Variants in AGBL3 observed in about 807,000 individuals in gnomAD.
AGBL3 encodes the protein cytosolic carboxypeptidase 3.
In AGBL3, 68 loss-of-function variants were observed where a neutral mutation model predicts 94.5. That is an observed-to-expected ratio of 0.72 (90% CI 0.59 to 0.88). The LOEUF is 0.88. Ranked by LOEUF, AGBL3 falls within the 40% of genes least tolerant of loss-of-function variation. AGBL3 has a pLI of 0.00. For missense variants in AGBL3, 934 were observed against 1,103.8 expected (o/e 0.85, Z 2.18); for synonymous variants, 354 against 370.7 (o/e 0.95, Z 0.52).
At chr7:135,010,331 G>C (rs528219401) in intron 4 of AGBL3, 4 of 238,562 alleles carry the variant, frequency 1.7e-5, no homozygotes, top group Non-Finnish European at 2.5e-5. Context: ...TTAACATTCT[G>C]TATCTCTTAG....
intron 13 of AGBL3, 145 bp downstream of exon 13, chr7:135,076,613 C>A: frequency 1.6e-6 from 1 of 615,648 alleles, no homozygotes; most frequent in Non-Finnish European, 2.9e-6. Context: ...TTTATAAAAA[C>A]ACAAAAGATC....
In AGBL3 at chr7:135,071,443, C is replaced by T. The variant is rs530991574; in HGVS notation, c.1909-4954C>T. On this transcript the variant is annotated intron_variant, in intron 12 of 16. Transcript: ENST00000436302. ...GTTCATATGGAACCAAAAAAGAGCCCGCATTGCCAAGTCAATCCTAAGCCA... is the reference window on the plus strand; with the variant it reads ...GTTCATATGGAACCAAAAAAGAGCCTGCATTGCCAAGTCAATCCTAAGCCA... Among the ~76,000 whole-genome samples, 1,058 of 152,146 alleles carry T rather than the reference C, an allele frequency of 7.0e-3. 22 individuals carry two copies. Among genetic ancestry groups the T allele is most frequent in the African/African-American group, 0.025 (1,019 of 41,504 alleles).
intron 8 of AGBL3, among the ~76,000 whole-genome samples, chr7:135,039,213 G>A (rs1247761757): frequency 1.3e-5 from 2 of 152,116 alleles, no homozygotes; most frequent in Non-Finnish European, 2.9e-5. Context: ...ACACAAGTAT[G>A]TTTTTAAGCA....
intron 5 of AGBL3, among the ~76,000 whole-genome samples, chr7:135,024,872 C>A (rs1024621599): frequency 3.3e-5 from 5 of 151,696 alleles, no homozygotes; most frequent in Admixed American, 6.6e-5. Context: ...CAGACTAGAC[C>A]AAGCTGAAGA....
chr7:135,045,435 AC>A (rs747336226), intron 9 of AGBL3, 38 bp from the exon 10 acceptor site: 193 of 1,482,952 alleles, frequency 1.3e-4, no homozygotes, highest in Non-Finnish European at 1.7e-4. Context: ...AAAATTATTA[AC>A]TTACCCTCAA....
chr7:135,082,970 C>T lies in AGBL3; in HGVS notation c.2110+1180C>T, dbSNP rs137999599. On this transcript the variant is annotated intron_variant, in intron 15 of 16. Coordinates refer to ENST00000436302, the MANE Select transcript of AGBL3 (RefSeq NM_178563.4). ...AAATTCAAATTCATCTAATTCCACA[C>T]TAAATGCTCTTCCTCACATATTCTC... 7.9e-3 allele frequency among the ~76,000 whole-genome samples: 1,207 copies of T among 152,198 alleles called. 10 individuals are homozygous for T. Among genetic ancestry groups the T allele is most frequent in the Middle Eastern group, 0.02 (6 of 294 alleles).
intron 4 of AGBL3, among the ~76,000 whole-genome samples, chr7:135,009,851 A>G (rs936309767): frequency 2.0e-5 from 3 of 152,224 alleles, no homozygotes; most frequent in African/African-American, 7.2e-5. Flanking sequence ...GTTCAGCAGC[A>G]TCTGCCTTCA....
At chr7:135,066,078 C>T (rs778257988) in intron 12 of AGBL3, among the ~76,000 whole-genome samples, 30 of 152,064 alleles carry the variant, frequency 2.0e-4, no homozygotes, top group Non-Finnish European at 3.2e-4. Context: ...AATAATTTCA[C>T]GGCTATAACA....
intron 16 of AGBL3, among the ~76,000 whole-genome samples, chr7:135,120,279 T>G (rs973390996): frequency 6.6e-6 from 1 of 152,220 alleles, no homozygotes; most frequent in African/African-American, 2.4e-5. Flanking sequence ...AATATTGATG[T>G]GGTTCCAAAT....
chr7:135,122,299 C>A (rs963438781), intron 16 of AGBL3, among the ~76,000 whole-genome samples: 6 of 152,164 alleles, frequency 3.9e-5, no homozygotes, highest in Non-Finnish European at 8.8e-5. Context: ...TCAGGCCTGA[C>A]CCTGACCCAT....
intron 16 of AGBL3, among the ~76,000 whole-genome samples, chr7:135,130,018 G>T (rs1430512671): frequency 6.6e-6 from 1 of 152,118 alleles, no homozygotes; most frequent in Non-Finnish European, 1.5e-5. Flanking sequence ...GAGAAGAGGG[G>T]TCAAGAGTTA....
Position 135,028,418 on chromosome 7 carries a change from T to C in AGBL3, c.419-4426T>C, listed in dbSNP as rs1388101674. Among the ~76,000 whole-genome samples the C allele has an allele frequency of 1.3e-5, 2 of 152,226 alleles. 1 individual carries two copies. Among genetic ancestry groups the C allele is most frequent in the South Asian group, 4.1e-4 (2 of 4,836 alleles). On this transcript the variant is annotated intron_variant, in intron 5 of 16. Coordinates refer to ENST00000436302, the MANE Select transcript of AGBL3 (RefSeq NM_178563.4). Reference sequence around the variant, plus strand: ...TGTCATTTCAACAATCTTCACAGCATCTTTACCAGTAATAAATTTCATGTT... The same window carrying C: ...TGTCATTTCAACAATCTTCACAGCACCTTTACCAGTAATAAATTTCATGTT...
intron 13 of AGBL3, among the ~76,000 whole-genome samples, chr7:135,078,766 T>TA (rs956083285): frequency 6.6e-6 from 1 of 152,206 alleles, no homozygotes. Context: ...GCATACATTC[T>TA]AAGTGTGCCC....
chr7:135,129,435 G>A, intron 16 of AGBL3: 3 of 784,786 alleles, frequency 3.8e-6, no homozygotes, highest in South Asian at 1.3e-5. Flanking sequence ...GGCACTGGAA[G>A]AGATGGAAAG....
intron 5 of AGBL3, among the ~76,000 whole-genome samples, chr7:135,031,226 AT>A (rs1815706351): frequency 1.3e-5 from 2 of 152,106 alleles, no homozygotes; most frequent in South Asian, 4.1e-4. Context: ...TGTAAAAGAT[AT>A]GTTTTAGGGA....
intron 4 of AGBL3, chr7:135,011,202 T>G (rs1813110679): frequency 6.6e-6 from 1 of 152,170 alleles, no homozygotes; most frequent in Admixed American, 6.5e-5. Flanking sequence ...TAAATAATAC[T>G]GGAATAATTG....
intron 11 of AGBL3, among the ~76,000 whole-genome samples, chr7:135,051,630 G>A (rs897748899): frequency 2.0e-5 from 3 of 151,954 alleles, no homozygotes; most frequent in Non-Finnish European, 4.4e-5. Context: ...TAGGAAATAT[G>A]TGTTTTCATG....
At chr7:135,054,559 T>C (rs1818166979) in intron 11 of AGBL3, among the ~76,000 whole-genome samples, 1 of 152,192 alleles carries the variant, frequency 6.6e-6, no homozygotes, top group Non-Finnish European at 1.5e-5. Context: ...TTAAAAGGTG[T>C]GTTGTTTAAT....
intron 7 of AGBL3, among the ~76,000 whole-genome samples, chr7:135,035,528 G>C (rs890441258): frequency 6.6e-6 from 1 of 151,980 alleles, no homozygotes; most frequent in Admixed American, 6.6e-5. Context: ...AAGCATATTA[G>C]AATAAGAGAG....
Sources: gnomAD v4.1 joint callset for allele counts (sites outside exome capture counted in the v4.1 genomes callset) on GRCh38, gnomAD v4.1.1 for gene constraint, MANE v1.5 for transcripts, NCBI Gene and HGNC (gene_info 2026-07-23, HGNC 2026-07-21) for gene names.